The following TRPC4 variants were observed in gnomAD, a reference collection of about 807,000 sequenced individuals.
The protein encoded by TRPC4 is short transient receptor potential channel 4.
In TRPC4, 49 loss-of-function variants were observed where a neutral mutation model predicts 99.4. The observed-to-expected ratio is 0.49, with a 90% confidence interval of 0.39 to 0.63. The LOEUF (loss-of-function observed/expected upper bound fraction) is 0.63, where lower values mean the gene tolerates loss of function less well. Ranked by LOEUF, TRPC4 falls within the 20% of genes least tolerant of loss-of-function variation. The pLI, the probability that TRPC4 is intolerant of heterozygous loss-of-function variation, is 0.00. For missense variants in TRPC4, 898 were observed against 1,152.9 expected, an observed-to-expected ratio of 0.78 and a Z score of 3.20; for synonymous variants, 454 against 425.9, an observed-to-expected ratio of 1.07 and a Z score of -0.81.
intron 1 of TRPC4, among the ~76,000 whole-genome samples, chr13:37,842,220 A>T (rs1339901248): frequency 1.3e-5 from 2 of 150,104 alleles, no homozygotes; most frequent in African/African-American, 4.9e-5. Flanking sequence ...CAGTTAGTGG[A>T]GATCTCGCCA....
chr13:37,719,304 T>C (rs928272231), intron 3 of TRPC4, among the ~76,000 whole-genome samples: 16 of 151,962 alleles, frequency 1.1e-4, no homozygotes, highest in African/African-American at 3.1e-4. Context: ...GCCGGGATCA[T>C]GCCACTGCAC....
chr13:37,691,260 C>T (rs1953693052), intron 4 of TRPC4, among the ~76,000 whole-genome samples: 1 of 152,086 alleles, frequency 6.6e-6, no homozygotes, highest in Non-Finnish European at 1.5e-5. Flanking sequence ...CGCCACCACG[C>T]CCGGCTAATT....
At chr13:37,846,320 C>A (rs1958897099) in intron 1 of TRPC4, among the ~76,000 whole-genome samples, 1 of 152,094 alleles carries the variant, frequency 6.6e-6, no homozygotes. Context: ...TGTAAAGCAA[C>A]TTTATCTCTA....
chr13:37,809,533 C>A (rs1957619301), intron 1 of TRPC4, among the ~76,000 whole-genome samples: 1 of 151,540 alleles, frequency 6.6e-6, no homozygotes, highest in Non-Finnish European at 1.5e-5. Context: ...GTAATTCCAC[C>A]TATCTCAAAC....
chr13:37,641,713 G>T (rs1253062777), intron 8 of TRPC4, among the ~76,000 whole-genome samples: 1 of 152,074 alleles, frequency 6.6e-6, no homozygotes, highest in Non-Finnish European at 1.5e-5. Flanking sequence ...GGTCCCAGGG[G>T]TTACACCTGG....
At chr13:37,771,865 T>G (rs1177485081) in intron 2 of TRPC4, among the ~76,000 whole-genome samples, 1 of 151,618 alleles carries the variant, frequency 6.6e-6, no homozygotes. Flanking sequence ...TTTTTACAGG[T>G]ACCAGATACA....
intron 2 of TRPC4, among the ~76,000 whole-genome samples, chr13:37,749,386 T>A (rs1955871193): frequency 6.6e-6 from 1 of 152,134 alleles, no homozygotes; most frequent in African/African-American, 2.4e-5. Flanking sequence ...TTTAACATTA[T>A]ATGTTGTCTT....
chr13:37,848,104 A>T (rs1958953392), intron 1 of TRPC4, among the ~76,000 whole-genome samples: 1 of 152,176 alleles, frequency 6.6e-6, no homozygotes, highest in Admixed American at 6.6e-5. Context: ...AACTTAAATG[A>T]GTTTGTCAGG....
chr13:37,720,983 T>C (rs988154174), intron 3 of TRPC4, among the ~76,000 whole-genome samples: 1 of 152,180 alleles, frequency 6.6e-6, no homozygotes, highest in Non-Finnish European at 1.5e-5. Flanking sequence ...TTATGAGTAC[T>C]TGGAAGAATT....
At chr13:37,850,127 A>G (rs1959017663) in intron 1 of TRPC4, among the ~76,000 whole-genome samples, 1 of 152,212 alleles carries the variant, frequency 6.6e-6, no homozygotes, top group Admixed American at 6.5e-5. Flanking sequence ...AGGCAATTTT[A>G]GTGAAAACAG....
At chr13:37,652,746 TA>T (rs1423219880) in intron 7 of TRPC4, among the ~76,000 whole-genome samples, 2 of 1,662 alleles carry the variant, frequency 1.2e-3, no homozygotes, top group East Asian at 0.038. Context: ...CTCAAGGAAA[TA>T]AAAAGGCAAT....
chr13:37,669,344 T>G (rs965857390), intron 5 of TRPC4, among the ~76,000 whole-genome samples: 1 of 152,204 alleles, frequency 6.6e-6, no homozygotes, highest in Non-Finnish European at 1.5e-5. Context: ...GTTTTATAAC[T>G]GTGGTCCCCA....
At chr13:37,774,914 T>C (rs1364882644) in intron 2 of TRPC4, among the ~76,000 whole-genome samples, 1 of 151,632 alleles carries the variant, frequency 6.6e-6, no homozygotes, top group Non-Finnish European at 1.5e-5. Flanking sequence ...TTCAAGTAAT[T>C]ACAGTGTTTA....
Position 37,674,102 on chromosome 13 carries a change from A to G in TRPC4, c.1374+126T>C, listed in dbSNP as rs559384150. The G allele has an allele frequency of 7.3e-5, 63 of 864,216 alleles. No individual in the cohort carries two copies. In the East Asian group the frequency reaches 1.9e-3, roughly 25 times the overall value. The allele number at this position is 864,216 out of a possible 1,614,324, so 53.5% of individuals were successfully genotyped here. Reference sequence around the variant, plus strand: ...TCCCTATATATCTATCAATAAAACCATGAGCTGATGAATACGACATCCGGA... The same window carrying G: ...TCCCTATATATCTATCAATAAAACCGTGAGCTGATGAATACGACATCCGGA... On this transcript the variant is annotated intron_variant, in intron 5 of 10. Coordinates refer to ENST00000379705, the MANE Select transcript of TRPC4 (RefSeq NM_016179.4).
chr13:37,806,192 G>C (rs568952643), intron 1 of TRPC4, among the ~76,000 whole-genome samples: 1 of 152,076 alleles, frequency 6.6e-6, no homozygotes, highest in South Asian at 2.1e-4. Flanking sequence ...AGTACCAGAG[G>C]TGTCAGTCAT....
chr13:37,745,567 T>G (rs1056008222), intron 3 of TRPC4, among the ~76,000 whole-genome samples: 3 of 145,824 alleles, frequency 2.1e-5, no homozygotes, highest in Non-Finnish European at 4.5e-5. Flanking sequence ...ATTTCAAATA[T>G]TAAATCCATT....
At chr13:37,852,128 A>G (rs1337878913) in intron 1 of TRPC4, among the ~76,000 whole-genome samples, 2 of 152,164 alleles carry the variant, frequency 1.3e-5, no homozygotes, top group Non-Finnish European at 2.9e-5. Flanking sequence ...GTGACATGTG[A>G]CCTGGGGAGA....
chr13:37,700,286 T>A (rs779918469), intron 3 of TRPC4, among the ~76,000 whole-genome samples: 3 of 152,088 alleles, frequency 2.0e-5, no homozygotes, highest in African/African-American at 4.8e-5. Flanking sequence ...ATCATGTAGG[T>A]GAGTAATAGA....
chr13:37,861,253 T>C (rs1566231756), intron 1 of TRPC4, among the ~76,000 whole-genome samples: 1 of 151,616 alleles, frequency 6.6e-6, no homozygotes, highest in African/African-American at 2.4e-5. Context: ...ATTTACTTTG[T>C]AGATATTTAC....
Sources: allele counts gnomAD v4.1 joint callset (sites outside exome capture counted in the v4.1 genomes callset), GRCh38; gene constraint gnomAD v4.1.1; transcripts MANE v1.5; gene names NCBI Gene and HGNC (gene_info 2026-07-23, HGNC 2026-07-21).